The following ARHGEF16 variants were observed in gnomAD, a reference collection of about 807,000 sequenced individuals.
ARHGEF16 encodes the protein Rho guanine nucleotide exchange factor 16.
In ARHGEF16, 59 loss-of-function variants were observed where a neutral mutation model predicts 74.1. The observed-to-expected ratio is 0.80, with a 90% CI of 0.65 to 0.99. ARHGEF16 has a LOEUF of 0.99. Among genes scored for constraint, ARHGEF16 ranks in the 50% least tolerant of loss-of-function variants. ARHGEF16 has a pLI of 0.00. For missense variants in ARHGEF16, 948 were observed against 986.6 expected, an observed-to-expected ratio of 0.96 and a Z score of 0.52; for synonymous variants, 415 against 412.6, an observed-to-expected ratio of 1.01 and a Z score of -0.07.
chr1:3,461,936 G>T (rs1209984680), intron 1 of ARHGEF16, among the ~76,000 whole-genome samples: 3 of 152,210 alleles, frequency 2.0e-5, no homozygotes, highest in Non-Finnish European at 4.4e-5. Context: ...CCATTCCCAA[G>T]GGGCAGAAGG....
intron 6 of ARHGEF16, among the ~76,000 whole-genome samples, chr1:3,472,274 CTT>C (rs1639746939): frequency 6.6e-6 from 1 of 152,248 alleles, no homozygotes; most frequent in Admixed American, 6.5e-5. Context: ...CAAGCCCAGC[CTT>C]GGTGGCCGTG....
intron 1 of ARHGEF16, among the ~76,000 whole-genome samples, chr1:3,455,587 C>T (rs1195276947): frequency 6.6e-6 from 1 of 152,136 alleles, no homozygotes; most frequent in Non-Finnish European, 1.5e-5. Flanking sequence ...TCTTGGTGAC[C>T]TCTGCTTCTG....
intron 1 of ARHGEF16, among the ~76,000 whole-genome samples, chr1:3,462,266 G>A (rs990819964): frequency 6.6e-6 from 1 of 152,204 alleles, no homozygotes; most frequent in East Asian, 1.9e-4. Context: ...CTGGTGACTG[G>A]TGGGGCTCCT....
intron 10 of ARHGEF16, among the ~76,000 whole-genome samples, chr1:3,477,552 G>C (rs1421477621): frequency 6.6e-6 from 1 of 151,234 alleles, no homozygotes; most frequent in Non-Finnish European, 1.5e-5. Context: ...AATTGCCACG[G>C]AGGGGTGAGG....
intron 6 of ARHGEF16, among the ~76,000 whole-genome samples, chr1:3,470,521 G>A (rs925080235): frequency 4.0e-5 from 6 of 151,498 alleles, no homozygotes; most frequent in Admixed American, 1.3e-4. Flanking sequence ...ATGTGTGTGC[G>A]TGGGCAGGGG....
rs761993984 is a variant in ARHGEF16, at chr1:3,473,111, C to G, written c.1056C>G (p.Ala352=). 8 of 1,613,286 alleles carry G rather than the reference C, an allele frequency of 5.0e-6. No individual in the cohort carries two copies. The East Asian group carries it at 6.7e-5, about 13-fold the overall frequency. ...AGGACCTGGAGCAGCGGCACAAGGCCCAGGTGCTGGTCGAGGACATCAGTG... is the reference window on the plus strand; with the variant it reads ...AGGACCTGGAGCAGCGGCACAAGGCGCAGGTGCTGGTCGAGGACATCAGTG... ...FFEDLEQRHK[A]QVLVEDISDI... Residue 352 remains alanine (A), a synonymous_variant, in exon 7 of 15, where the codon GCC becomes GCG. Coordinates refer to ENST00000378378, the MANE Select transcript of ARHGEF16 (RefSeq NM_014448.4).
rs1639937481 is a variant in ARHGEF16 at position 3,477,942 on chromosome 1, C to G, written c.1541C>G (p.Thr514Ser). The change falls in exon 11 of 15, where the codon ACC becomes AGC. Residue 514 changes from threonine to serine, a missense_variant. Transcript: ENST00000378378. Reference sequence around the variant, plus strand: ...GGAGAGCTGTTCTTAGTGGAAGAAACCGGACTTTTTCGAAAAATTGCCAGC... The same window carrying G: ...GGAGAGCTGTTCTTAGTGGAAGAAAGCGGACTTTTTCGAAAAATTGCCAGC... ...KRGELFLVEETGLFRKIASRP... is the reference protein window; with the variant it reads ...KRGELFLVEESGLFRKIASRP... 7 of 1,612,660 alleles carry G rather than the reference C, an allele frequency of 4.3e-6. No individual in the cohort carries two copies. The highest frequency in any genetic ancestry group is 5.1e-6 in the Non-Finnish European group (6 of 1,179,900).
At position 3,473,392 on chromosome 1, in the gene ARHGEF16, G is replaced by A; in HGVS notation, c.1176-1G>A. 6.2e-7 allele frequency: 1 copy of A among 1,604,040 alleles called. No individual in the cohort carries two copies. The highest frequency in any genetic ancestry group is 1.1e-5 in the South Asian group (1 of 89,816). On this transcript the variant is annotated splice_acceptor_variant, in intron 7 of 14. Transcript: ENST00000378378. LOFTEE classifies it high-confidence loss of function. ...GGAAGGACAGCCTTGTCCTCTTGCA[G>A]AAGCAGCAACGCCGCCTTCCGAGAG...
chr1:3,473,320 TC>T, intron 7 of ARHGEF16, 72 bp from the exon 8 acceptor site: 1 of 1,578,784 alleles, frequency 6.3e-7, no homozygotes, highest in Non-Finnish European at 8.6e-7. Flanking sequence ...CAGCCCAGCT[TC>T]TGCAGGTCCT....
At chr1:3,465,404 G>C (rs953469299) in intron 2 of ARHGEF16, among the ~76,000 whole-genome samples, 27 of 152,208 alleles carry the variant, frequency 1.8e-4, no homozygotes, top group African/African-American at 6.5e-4. Flanking sequence ...GGACGGAGTC[G>C]GGGTGGGGGA....
rs1313910093 is a variant in ARHGEF16 at position 3,466,045 on chromosome 1, C to G, written c.589-103C>G. Reference sequence around the variant, plus strand: ...AGCTGACATCTATTGGGCACAGCTTCGCATGTGGAGCCGAGAGGTCTCTGG... The same window carrying G: ...AGCTGACATCTATTGGGCACAGCTTGGCATGTGGAGCCGAGAGGTCTCTGG... On this transcript the variant is annotated intron_variant, in intron 2 of 14. Transcript: ENST00000378378. 3.1e-5 allele frequency: 40 copies of G among 1,291,248 alleles called. 1 individual carries two copies. The South Asian group carries it at 4.4e-4, about 14-fold the overall frequency. 80.0% of individuals were successfully genotyped at this position (1,291,248 alleles called of 1,614,324 possible).
At chr1:3,464,688 G>A (rs150888243) in intron 2 of ARHGEF16, among the ~76,000 whole-genome samples, 3 of 152,218 alleles carry the variant, frequency 2.0e-5, no homozygotes, top group Non-Finnish European at 2.9e-5. Context: ...GGCAGGTGCT[G>A]TGTGACCCAG....
At chr1:3,463,861 G>C (rs912574964) in intron 2 of ARHGEF16, among the ~76,000 whole-genome samples, 189 bp downstream of exon 2, 10 of 152,258 alleles carry the variant, frequency 6.6e-5, no homozygotes, top group Non-Finnish European at 1.2e-4. Context: ...CCTTACAGAT[G>C]AGGCAGCAGA....
chr1:3,457,038 C>T (rs1197184932), intron 1 of ARHGEF16, among the ~76,000 whole-genome samples: 4 of 152,246 alleles, frequency 2.6e-5, no homozygotes, highest in Admixed American at 6.5e-5. Context: ...AGCCAGGACT[C>T]CTGACTACCA....
At chr1:3,465,263 G>A (rs967350705) in intron 2 of ARHGEF16, among the ~76,000 whole-genome samples, 3 of 152,264 alleles carry the variant, frequency 2.0e-5, no homozygotes, top group African/African-American at 7.2e-5. Flanking sequence ...CCAGCGCAGG[G>A]AGAATGCCGA....
In ARHGEF16 at chr1:3,478,466, C is replaced by T. The variant is rs755367723; in HGVS notation, c.1668C>T (p.His556=). 2 of 1,612,224 alleles carry T rather than the reference C, an allele frequency of 1.2e-6. No homozygotes were observed. The highest frequency in any genetic ancestry group is 1.7e-4 in the Middle Eastern group (1 of 6,054). ...TCCAGGACTACGCCCAGATGAACCA[C>T]ATCCAGGTGGAGAAGATAGAGCCGT... ...YMVQDYAQMN[H]IQVEKIEPSE... Residue 556 remains histidine (H), a synonymous_variant, in exon 12 of 15, where the codon CAC becomes CAT. Transcript: ENST00000378378.
chr1:3,458,988 A>G (rs1207603460), intron 1 of ARHGEF16, among the ~76,000 whole-genome samples: 1 of 152,216 alleles, frequency 6.6e-6, no homozygotes, highest in Non-Finnish European at 1.5e-5. Flanking sequence ...AGGAATTAGG[A>G]GAAAACACCA....
At chr1:3,461,620 G>A (rs889281665) in intron 1 of ARHGEF16, among the ~76,000 whole-genome samples, 4 of 152,178 alleles carry the variant, frequency 2.6e-5, no homozygotes, top group Admixed American at 6.5e-5. Flanking sequence ...AGCCCGGGGC[G>A]TGAAAGCTCA....
chr1:3,479,791 GA>G lies in ARHGEF16; in HGVS notation c.1889-20del. ...GGCCCATGCCTCCCGACAGCCCTGT[GA>G]TGGCCACTGCCCTATGCAGACCTGC... On this transcript the variant is annotated intron_variant, in intron 13 of 14. Coordinates refer to ENST00000378378, the MANE Select transcript of ARHGEF16 (RefSeq NM_014448.4). The G allele has an allele frequency of 6.2e-7, 1 of 1,610,230 alleles. No individual in the cohort carries two copies. The highest frequency in any genetic ancestry group is 1.3e-5 in the African/African-American group (1 of 75,002).
Sources: gnomAD v4.1 joint callset for allele counts (sites outside exome capture counted in the v4.1 genomes callset) on GRCh38, gnomAD v4.1.1 for gene constraint, MANE v1.5 for transcripts, NCBI Gene and HGNC (gene_info 2026-07-23, HGNC 2026-07-21) for gene names.